Variants in SNTG1 observed in about 807,000 individuals in gnomAD.
The protein encoded by SNTG1 is syntrophin gamma 1.
SNTG1 carries 39 observed loss-of-function variants against 74.7 expected under a neutral mutation model. That is an observed-to-expected ratio of 0.52 (90% CI 0.40 to 0.68). SNTG1 has a LOEUF of 0.68. Among genes scored for constraint, SNTG1 ranks in the 30% least tolerant of loss-of-function variants. The pLI is 0.00. For missense variants in SNTG1, 685 were observed against 609.5 expected (o/e 1.12, Z -1.30); for synonymous variants, 254 against 217.1 (o/e 1.17, Z -1.49).
chr8:50,122,099 A>C (rs533608007), intron 1 of SNTG1, among the ~76,000 whole-genome samples: 9 of 139,784 alleles, frequency 6.4e-5, no homozygotes, highest in African/African-American at 2.3e-4. Context: ...TGGTTTAGGG[A>C]CCCCCAGTGT....
chr8:50,744,884 A>G (rs1396354663), intron 17 of SNTG1, among the ~76,000 whole-genome samples: 2 of 152,044 alleles, frequency 1.3e-5, no homozygotes, highest in Non-Finnish European at 2.9e-5. Flanking sequence ...GCCTTATACC[A>G]TACTCAAAAA....
chr8:50,403,833 C>T (rs934649868), intron 4 of SNTG1, among the ~76,000 whole-genome samples: 1 of 152,178 alleles, frequency 6.6e-6, no homozygotes, highest in African/African-American at 2.4e-5. Flanking sequence ...CAACTGTCAT[C>T]TAATTAAAGC....
At chr8:49,951,873 CAAAAAAAAAAAAAA>C (rs5891338) in intron 1 of SNTG1, among the ~76,000 whole-genome samples, 5 of 56,268 alleles carry the variant, frequency 8.9e-5, no homozygotes, top group East Asian at 6.5e-4. Flanking sequence ...GGAAAATTCA[CAAAAAAAAAAAAAA>C]AAAAAAAAAA....
At chr8:50,162,649 G>A (rs180858570) in intron 1 of SNTG1, among the ~76,000 whole-genome samples, 8 of 151,798 alleles carry the variant, frequency 5.3e-5, no homozygotes, top group African/African-American at 1.2e-4. Context: ...TCGTTAGCCC[G>A]CTGGATCTCC....
intron 2 of SNTG1, among the ~76,000 whole-genome samples, chr8:50,207,532 A>AT (rs1198321172): frequency 2.0e-5 from 3 of 151,854 alleles, no homozygotes; most frequent in Admixed American, 1.3e-4. Flanking sequence ...AGATTCATTG[A>AT]TTTTTTGAAG....
intron 1 of SNTG1, among the ~76,000 whole-genome samples, chr8:49,972,238 C>A (rs1433805384): frequency 6.6e-6 from 1 of 152,264 alleles, no homozygotes. Flanking sequence ...TGATCTTTGA[C>A]AAACCTGACA....
At chr8:50,042,197 T>C (rs1818695437) in intron 1 of SNTG1, among the ~76,000 whole-genome samples, 1 of 152,180 alleles carries the variant, frequency 6.6e-6, no homozygotes, top group Non-Finnish European at 1.5e-5. Flanking sequence ...TAAGCAACAA[T>C]TAAATATAAT....
intron 4 of SNTG1, among the ~76,000 whole-genome samples, chr8:50,427,893 A>G (rs2093183814): frequency 6.6e-6 from 1 of 152,238 alleles, no homozygotes; most frequent in African/African-American, 2.4e-5. Context: ...TTAAATATAT[A>G]TTTGTCTAAC....
intron 8 of SNTG1, among the ~76,000 whole-genome samples, chr8:50,495,846 G>A (rs1255829528): frequency 6.6e-6 from 1 of 152,116 alleles, no homozygotes; most frequent in Non-Finnish European, 1.5e-5. Flanking sequence ...AAACATGAAT[G>A]TGCTGGTAGA....
At chr8:49,995,937 G>A (rs1016246607) in intron 1 of SNTG1, among the ~76,000 whole-genome samples, 2 of 152,114 alleles carry the variant, frequency 1.3e-5, no homozygotes, top group Non-Finnish European at 2.9e-5. Context: ...ATAAAAACTG[G>A]GTATGTTTTA....
intron 2 of SNTG1, among the ~76,000 whole-genome samples, chr8:50,272,211 G>A (rs75196451): frequency 0.05 from 7,617 of 152,224 alleles, 231 homozygotes; most frequent in Middle Eastern, 0.11. Flanking sequence ...AACTGTTGAG[G>A]TTTTCTCAAA....
chr8:50,761,187 C>G lies in SNTG1; in HGVS notation c.1395+9076C>G, dbSNP rs550445282. ...AGCTTATCCACCACGATCAAGTTGG[C>G]TTTATCCCTGGGATCAAGGCTGTTT... is the stretch of plus-strand genomic sequence containing the variant. On this transcript the variant is annotated intron_variant, in intron 18 of 18. Coordinates refer to ENST00000642720, the MANE Select transcript of SNTG1 (RefSeq NM_018967.5). Among the ~76,000 whole-genome samples, 89 of 152,150 alleles carry G rather than the reference C, an allele frequency of 5.8e-4. 1 individual carries two copies. The highest frequency in any genetic ancestry group is 3.3e-3 in the Admixed American group (51 of 15,254).
chr8:50,708,159 C>G (rs1184943579), intron 16 of SNTG1: 1 of 189,162 alleles, frequency 5.3e-6, no homozygotes, highest in Non-Finnish European at 1.1e-5. Flanking sequence ...CGACACCGCA[C>G]CACTACGCTC....
At chr8:50,625,425 A>C (rs1176231831) in intron 13 of SNTG1, among the ~76,000 whole-genome samples, 1 of 152,200 alleles carries the variant, frequency 6.6e-6, no homozygotes, top group Non-Finnish European at 1.5e-5. Flanking sequence ...AGTCATGGGT[A>C]TACTGATCAA....
intron 1 of SNTG1, among the ~76,000 whole-genome samples, chr8:49,998,718 C>T (rs1400707069): frequency 2.6e-5 from 4 of 151,952 alleles, no homozygotes; most frequent in Non-Finnish European, 5.9e-5. Context: ...GGGACAATAA[C>T]AGGCATGGAG....
intron 15 of SNTG1, among the ~76,000 whole-genome samples, chr8:50,698,365 CTTAG>C (rs1474984285): frequency 2.0e-5 from 3 of 152,108 alleles, no homozygotes; most frequent in Admixed American, 6.5e-5. Flanking sequence ...TGGCTGTTCA[CTTAG>C]TTAGTGCAGT....
intron 4 of SNTG1, among the ~76,000 whole-genome samples, chr8:50,430,524 G>C (rs148560800): frequency 3.3e-5 from 5 of 152,282 alleles, no homozygotes; most frequent in African/African-American, 1.2e-4. Flanking sequence ...TTGTTAACCT[G>C]TATGTACTGT....
At chr8:50,670,039 T>C (rs570968592) in intron 15 of SNTG1, among the ~76,000 whole-genome samples, 56 of 152,230 alleles carry the variant, frequency 3.7e-4, no homozygotes, top group African/African-American at 1.3e-3. Context: ...ATGGGATGTA[T>C]CTCAAAATAA....
intron 1 of SNTG1, among the ~76,000 whole-genome samples, chr8:50,152,369 A>G (rs1005780651): frequency 2.6e-5 from 4 of 152,162 alleles, no homozygotes; most frequent in Non-Finnish European, 5.9e-5. Flanking sequence ...CCAATTTGCC[A>G]GTCTGTGTCT....
Sources: allele counts gnomAD v4.1 joint callset (sites outside exome capture counted in the v4.1 genomes callset), GRCh38; gene constraint gnomAD v4.1.1; transcripts MANE v1.5; gene names NCBI Gene and HGNC (gene_info 2026-07-23, HGNC 2026-07-21).